RABGAP1L: variants seen among roughly 807,000 people sequenced by gnomAD.
RABGAP1L encodes rab GTPase-activating protein 1-like.
RABGAP1L carries 63 observed loss-of-function variants against 137.7 expected under a neutral mutation model. The observed-to-expected ratio is 0.46, with a 90% CI of 0.37 to 0.56. The LOEUF is 0.56. Among genes scored for constraint, RABGAP1L ranks in the 20% least tolerant of loss-of-function variants. The probability of loss-of-function intolerance (pLI) is 0.00; values close to 1 mark genes in which losing one functional copy is unlikely to be tolerated. For synonymous variants in RABGAP1L, 431 were observed against 433.7 expected (o/e 0.99, Z 0.08); for missense variants, 1,095 against 1,244.0 (o/e 0.88, Z 1.80).
At chr1:174,238,211 T>C (rs939370963) in intron 4 of RABGAP1L, among the ~76,000 whole-genome samples, 2 of 152,162 alleles carry the variant, frequency 1.3e-5, no homozygotes, top group Non-Finnish European at 2.9e-5. Flanking sequence ...TTGCCTTTGG[T>C]TTGAATGTCC....
intron 11 of RABGAP1L, 121 bp from the exon 12 acceptor site, chr1:174,370,858 T>G: frequency 2.3e-6 from 1 of 429,994 alleles, no homozygotes; most frequent in Non-Finnish European, 4.1e-6. Context: ...TTGCAATGCA[T>G]GTAATAATAT....
At chr1:174,601,451 A>T (rs2148172699) in intron 13 of RABGAP1L, among the ~76,000 whole-genome samples, 1 of 151,882 alleles carries the variant, frequency 6.6e-6, no homozygotes, top group East Asian at 1.9e-4. Flanking sequence ...AACAATGAAA[A>T]CACTTGGACA....
At chr1:174,752,599 C>G (rs1684428417) in intron 18 of RABGAP1L, among the ~76,000 whole-genome samples, 2 of 151,758 alleles carry the variant, frequency 1.3e-5, no homozygotes, top group Admixed American at 1.3e-4. Flanking sequence ...TTTCCAGTAA[C>G]ATAAAATATC....
At chr1:174,391,252 C>T (rs557410466) in intron 12 of RABGAP1L, among the ~76,000 whole-genome samples, 2 of 152,272 alleles carry the variant, frequency 1.3e-5, no homozygotes, top group South Asian at 2.1e-4. Flanking sequence ...CATACCAACT[C>T]TTGAAATTTG....
At chr1:174,404,273 TGAA>T (rs1645266958) in intron 13 of RABGAP1L, among the ~76,000 whole-genome samples, 1 of 152,120 alleles carries the variant, frequency 6.6e-6, no homozygotes, top group African/African-American at 2.4e-5. Context: ...AGGTGGGACT[TGAA>T]GAATATTTCT....
chr1:174,168,899 A>G (rs1170721623), intron 1 of RABGAP1L, among the ~76,000 whole-genome samples: 1 of 152,218 alleles, frequency 6.6e-6, no homozygotes. Flanking sequence ...GATTTCTTAC[A>G]TGTATAGATT....
intron 11 of RABGAP1L, among the ~76,000 whole-genome samples, chr1:174,341,220 G>A (rs931555397): frequency 6.6e-6 from 1 of 152,114 alleles, no homozygotes; most frequent in Non-Finnish European, 1.5e-5. Context: ...ATGATAATGT[G>A]TATACAACTG....
At chr1:174,912,015 C>T (rs775276988) in intron 19 of RABGAP1L, among the ~76,000 whole-genome samples, 4 of 152,160 alleles carry the variant, frequency 2.6e-5, no homozygotes, top group Non-Finnish European at 4.4e-5. Context: ...GAATTGGATA[C>T]TTGTTTCATC....
At chr1:174,651,913 G>A (rs183643210) in intron 14 of RABGAP1L, among the ~76,000 whole-genome samples, 17 of 152,242 alleles carry the variant, frequency 1.1e-4, no homozygotes, top group Admixed American at 2.6e-4. Context: ...GTTAGTTGAT[G>A]CAGTTTTTTC....
At chr1:174,250,105 G>A (rs547974062) in intron 5 of RABGAP1L, among the ~76,000 whole-genome samples, 1 of 152,252 alleles carries the variant, frequency 6.6e-6, no homozygotes, top group East Asian at 1.9e-4. Context: ...TTTCCATGAA[G>A]TGAAATGTAC....
intron 11 of RABGAP1L, among the ~76,000 whole-genome samples, chr1:174,353,483 C>T (rs1683366411): frequency 6.6e-6 from 1 of 152,200 alleles, no homozygotes; most frequent in South Asian, 2.1e-4. Context: ...CCAGGGATTA[C>T]AGTCCTTGTG....
At chr1:174,568,187 C>T (rs1667709003) in intron 13 of RABGAP1L, among the ~76,000 whole-genome samples, 1 of 151,988 alleles carries the variant, frequency 6.6e-6, no homozygotes, top group Non-Finnish European at 1.5e-5. Context: ...GGAGAGGCAC[C>T]ACACTCTTTC....
intron 13 of RABGAP1L, among the ~76,000 whole-genome samples, chr1:174,455,002 T>C (rs944508666): frequency 3.9e-5 from 6 of 152,178 alleles, no homozygotes; most frequent in Admixed American, 2.6e-4. Context: ...AAAGAACATA[T>C]TTATAATTTT....
chr1:174,667,475 A>G (rs1676872375), intron 14 of RABGAP1L, among the ~76,000 whole-genome samples: 1 of 152,202 alleles, frequency 6.6e-6, no homozygotes, highest in Admixed American at 6.5e-5. Flanking sequence ...CCCTAAACCT[A>G]TTTGCATCTC....
chr1:174,382,785 C>T (rs1403376904), intron 12 of RABGAP1L, among the ~76,000 whole-genome samples: 2 of 151,012 alleles, frequency 1.3e-5, no homozygotes, highest in East Asian at 1.9e-4. Context: ...CTTCTTCTCT[C>T]AGCTTGTCAA....
intron 11 of RABGAP1L, among the ~76,000 whole-genome samples, chr1:174,366,181 A>T (rs546167765): frequency 6.6e-6 from 1 of 152,334 alleles, no homozygotes; most frequent in South Asian, 2.1e-4. Flanking sequence ...CATTTTAATA[A>T]TTATAATTCT....
chr1:174,450,739 T>C (rs1655342982), intron 13 of RABGAP1L, among the ~76,000 whole-genome samples: 1 of 152,266 alleles, frequency 6.6e-6, no homozygotes, highest in East Asian at 1.9e-4. Context: ...AACATCTAAG[T>C]ATTACTTTTT....
intron 13 of RABGAP1L, among the ~76,000 whole-genome samples, chr1:174,419,047 A>T (rs746834027): frequency 7.9e-5 from 12 of 152,148 alleles, no homozygotes; most frequent in Admixed American, 2.0e-4. Context: ...CTAAATAAAT[A>T]AATTAATTAA....
At chr1:174,539,979 G>A (rs569707109) in intron 13 of RABGAP1L, among the ~76,000 whole-genome samples, 2 of 152,138 alleles carry the variant, frequency 1.3e-5, no homozygotes, top group African/African-American at 2.4e-5. Context: ...TTTAATGATC[G>A]CCATTCTAAC....
Sources: allele counts gnomAD v4.1 joint callset (sites outside exome capture counted in the v4.1 genomes callset), GRCh38; gene constraint gnomAD v4.1.1; transcripts MANE v1.5; gene names NCBI Gene and HGNC (gene_info 2026-07-23, HGNC 2026-07-21).